Variants in VKORC1L1 observed in about 807,000 individuals in gnomAD.
The protein encoded by VKORC1L1 is vitamin K epoxide reductase complex subunit 1-like protein 1.
Under a neutral mutation model 18.9 loss-of-function variants are expected in VKORC1L1, and 2 were observed. The observed-to-expected ratio is 0.11, with a 90% CI of 0.04 to 0.33. The LOEUF is 0.33. Ranked by LOEUF, VKORC1L1 falls within the 10% of genes least tolerant of loss-of-function variation. The pLI is 1.00. For missense variants in VKORC1L1, 123 were observed against 224.1 expected, an observed-to-expected ratio of 0.55 and a Z score of 2.88; for synonymous variants, 96 against 100.0, an observed-to-expected ratio of 0.96 and a Z score of 0.24.
rs200545978 is a variant in VKORC1L1, at chr7:65,943,233, C to CA, written c.195-5429dup. Among the ~76,000 whole-genome samples, 873 of 148,618 alleles carry CA rather than the reference C, an allele frequency of 5.9e-3. 8 individuals carry two copies. The highest frequency in any genetic ancestry group is 0.019 in the African/African-American group (770 of 40,510). ...GGCCAACATGGCGAAACCCTCTCTA[C>CA]AAAAAAAAATGTTTTAAATTTAAAA... On this transcript the variant is annotated intron_variant, in intron 1 of 2. Coordinates refer to ENST00000360768, the MANE Select transcript of VKORC1L1 (RefSeq NM_173517.6).
intron 1 of VKORC1L1, among the ~76,000 whole-genome samples, chr7:65,913,008 C>T (rs1789525385): frequency 6.6e-6 from 1 of 152,142 alleles, no homozygotes; most frequent in African/African-American, 2.4e-5. Flanking sequence ...GTGTGCCAAT[C>T]TGTCTGCGTT....
chr7:65,878,068 T>A (rs1788859974), intron 1 of VKORC1L1, among the ~76,000 whole-genome samples: 1 of 152,154 alleles, frequency 6.6e-6, no homozygotes, highest in Admixed American at 6.5e-5. Context: ...TTACAAAATG[T>A]CGGATTACTA....
At chr7:65,868,596 A>G (rs1046086154), upstream of VKORC1L1, among the ~76,000 whole-genome samples, 1 of 152,252 alleles carries the variant, frequency 6.6e-6, no homozygotes, top group African/African-American at 2.4e-5. Flanking sequence ...AGATGATTGG[A>G]TAAAGAAAAT....
At chr7:65,917,245 T>C (rs1789604130) in intron 1 of VKORC1L1, among the ~76,000 whole-genome samples, 1 of 152,170 alleles carries the variant, frequency 6.6e-6, no homozygotes, top group African/African-American at 2.4e-5. Context: ...GTTTCTCATC[T>C]CCACCCCTTC....
Position 65,955,702 on chromosome 7 carries a change from C to T in VKORC1L1, c.*1402C>T, listed in dbSNP as rs181860589. ...AAGTGTCCTTCCCTCCTTTCTTCAC[C>T]GTCAGGTAGAAAACCTGCACTCTGC... On this transcript the variant is annotated 3_prime_UTR_variant, in exon 3 of 3. Coordinates refer to ENST00000360768, the MANE Select transcript of VKORC1L1 (RefSeq NM_173517.6). 3.9e-5 allele frequency: 6 copies of T among 152,318 alleles called. No homozygotes were observed. In the East Asian group the frequency reaches 5.8e-4, roughly 15 times the overall value. The allele number at this position is 152,318 out of a possible 1,614,324, so 9.4% of individuals were successfully genotyped here.
chr7:65,881,317 ATATAT>A (rs1562981070), intron 1 of VKORC1L1, among the ~76,000 whole-genome samples: 1 of 152,236 alleles, frequency 6.6e-6, no homozygotes, highest in South Asian at 2.1e-4. Context: ...CTAAATTTTA[ATATAT>A]TAGAGACAAC....
chr7:65,921,775 G>T lies in VKORC1L1; in HGVS notation c.195-26896G>T, dbSNP rs544899317. On this transcript the variant is annotated intron_variant, in intron 1 of 2. Transcript: ENST00000360768. ...AGGCAGGAGAATGGCATGAACCCGG[G>T]AGGCGGAGCTTGCAGTGAGCGGAGA... 1.1e-3 allele frequency among the ~76,000 whole-genome samples: 163 copies of T among 152,106 alleles called. 2 individuals carry two copies. Among genetic ancestry groups the T allele is most frequent in the African/African-American group, 3.7e-3 (154 of 41,510 alleles).
chr7:65,899,957 G>A (rs1583834575), intron 1 of VKORC1L1, among the ~76,000 whole-genome samples: 1 of 150,966 alleles, frequency 6.6e-6, no homozygotes, highest in African/African-American at 2.4e-5. Context: ...CCAAGATCAC[G>A]CCATTGCACT....
At chr7:65,952,778 CTTTTTTTTTTTTT>C (rs11395208) in intron 2 of VKORC1L1, among the ~76,000 whole-genome samples, 9 of 86,610 alleles carry the variant, frequency 1.0e-4, no homozygotes, top group Non-Finnish European at 1.8e-4. Flanking sequence ...TTTTTTTTTC[CTTTTTTTTTTTTT>C]TTTTTTTTTT....
At chr7:65,928,092 G>T (rs990385541) in intron 1 of VKORC1L1, among the ~76,000 whole-genome samples, 2 of 151,994 alleles carry the variant, frequency 1.3e-5, no homozygotes, top group Non-Finnish European at 2.9e-5. Flanking sequence ...CATGCCCCAA[G>T]AACTATTGAA....
At chr7:65,935,972 T>C (rs1214598549) in intron 1 of VKORC1L1, among the ~76,000 whole-genome samples, 1 of 152,106 alleles carries the variant, frequency 6.6e-6, no homozygotes, top group Non-Finnish European at 1.5e-5. Context: ...TAAGTCTCTA[T>C]TCTTTTTTTT....
chr7:65,884,405 G>C (rs370000202), intron 1 of VKORC1L1, among the ~76,000 whole-genome samples: 21 of 152,312 alleles, frequency 1.4e-4, no homozygotes, highest in Middle Eastern at 3.4e-3. Flanking sequence ...GGGAGGCTGA[G>C]GCAGGTGGAT....
Position 65,873,310 on chromosome 7 carries a change from C to G in VKORC1L1, c.-62C>G, listed in dbSNP as rs1398266951. On this transcript the variant is annotated 5_prime_UTR_variant, in exon 1 of 3. Coordinates refer to ENST00000360768, the MANE Select transcript of VKORC1L1 (RefSeq NM_173517.6). ...GGCGGCGGTGGCGGCTGGGTCGGGC[C>G]CCGACGGGCGGCGGCGGCTGAGGTG... The G allele has an allele frequency of 2.4e-6, 3 of 1,258,860 alleles. No homozygotes were observed. The highest frequency in any genetic ancestry group is 3.3e-5 in the African/African-American group (2 of 60,708). The allele number at this position is 1,258,860 out of a possible 1,614,324, so 78.0% of individuals were successfully genotyped here.
intron 1 of VKORC1L1, among the ~76,000 whole-genome samples, chr7:65,919,282 A>G (rs1203272014): frequency 1.4e-5 from 2 of 141,212 alleles, no homozygotes; most frequent in East Asian, 4.7e-4. Flanking sequence ...TGTTGATGTC[A>G]TTCAGTCTCT....
intron 2 of VKORC1L1, among the ~76,000 whole-genome samples, chr7:65,949,575 C>T (rs1790180049): frequency 6.6e-6 from 1 of 151,950 alleles, no homozygotes; most frequent in South Asian, 2.1e-4. Context: ...CCGAGAAGGG[C>T]AGATTACTTG....
chr7:65,893,980 G>C (rs1036858610), intron 1 of VKORC1L1, among the ~76,000 whole-genome samples: 3 of 151,612 alleles, frequency 2.0e-5, no homozygotes, highest in Non-Finnish European at 2.9e-5. Context: ...TTGAGACGGA[G>C]TTTCGCTCCT....
chr7:65,892,133 GCTGAACAGTA>G (rs1789119565), intron 1 of VKORC1L1, among the ~76,000 whole-genome samples: 1 of 152,014 alleles, frequency 6.6e-6, no homozygotes. Flanking sequence ...CATTCTCATG[GCTGAACAGTA>G]CTGCATTGTG....
At chr7:65,876,914 C>T (rs925431455) in intron 1 of VKORC1L1, among the ~76,000 whole-genome samples, 3 of 152,132 alleles carry the variant, frequency 2.0e-5, no homozygotes, top group East Asian at 1.9e-4. Flanking sequence ...GGCATGGTGG[C>T]GCATGCCTGT....
At chr7:65,925,515 T>C (rs1789747360) in intron 1 of VKORC1L1, among the ~76,000 whole-genome samples, 1 of 152,192 alleles carries the variant, frequency 6.6e-6, no homozygotes, top group African/African-American at 2.4e-5. Flanking sequence ...TTGGTGTATT[T>C]AGTACATTAT....
Sources: allele counts gnomAD v4.1 joint callset (sites outside exome capture counted in the v4.1 genomes callset), GRCh38; gene constraint gnomAD v4.1.1; transcripts MANE v1.5; gene names NCBI Gene and HGNC (gene_info 2026-07-23, HGNC 2026-07-21).